Variants in CYP27A1 observed in about 807,000 individuals in gnomAD.
The protein encoded by CYP27A1 is cytochrome P450 family 27 subfamily A member 1, also known as sterol 26-hydroxylase, mitochondrial.
In CYP27A1, 46 loss-of-function variants were observed where a neutral mutation model predicts 58.2. The observed-to-expected ratio is 0.79, with a 90% CI of 0.62 to 1.01. CYP27A1 has a LOEUF of 1.01. Ranked by LOEUF, CYP27A1 falls within the 50% of genes least tolerant of loss-of-function variation. The pLI is 0.00. For synonymous variants in CYP27A1, 274 were observed against 285.1 expected (o/e 0.96, Z 0.39); for missense variants, 704 against 687.0 (o/e 1.02, Z -0.28).
At chr2:218,787,096 G>A (rs6716642) in intron 1 of CYP27A1, among the ~76,000 whole-genome samples, 9,365 of 152,214 alleles carry the variant, frequency 0.062, 340 homozygotes, top group Middle Eastern at 0.095. Flanking sequence ...TGGCCATCAT[G>A]TATCTTGTTT....
chr2:218,809,072 C>T (rs751468325), intron 1 of CYP27A1, among the ~76,000 whole-genome samples: 1 of 152,184 alleles, frequency 6.6e-6, no homozygotes, highest in East Asian at 1.9e-4. Context: ...CTTTCTCATC[C>T]AGCTTATTGT....
chr2:218,808,016 G>T (rs994096586), intron 1 of CYP27A1, among the ~76,000 whole-genome samples: 4 of 152,122 alleles, frequency 2.6e-5, no homozygotes, highest in South Asian at 2.1e-4. Context: ...TTAGGCAAAA[G>T]ATATACTTTT....
intron 1 of CYP27A1, among the ~76,000 whole-genome samples, chr2:218,796,345 C>A (rs1056072149): frequency 1.3e-5 from 2 of 152,206 alleles, no homozygotes; most frequent in African/African-American, 4.8e-5. Flanking sequence ...GTAATCCCAG[C>A]ACTTTGGGGG....
rs973717418 is a variant in CYP27A1 at position 218,782,992 on chromosome 2, C to T, written c.255+555C>T. The stretch of plus-strand genomic sequence containing the variant: ...CAGTCTGAGGCCGGGTGCAGTGGCT[C>T]ACACCTGTAATCTCAGCACCTTGGG... On this transcript the variant is annotated intron_variant, in intron 1 of 8. Transcript: ENST00000258415. This position sits in a 1 kb window ranked among gnomAD's most constrained non-coding sequence, Gnocchi z 4.1. 1.3e-5 allele frequency among the ~76,000 whole-genome samples: 2 copies of T among 152,108 alleles called. No individual in the cohort carries two copies. The highest frequency in any genetic ancestry group is 2.9e-5 in the Non-Finnish European group (2 of 68,006).
chr2:218,784,052 G>T (rs2106479730), intron 1 of CYP27A1, among the ~76,000 whole-genome samples: 1 of 152,238 alleles, frequency 6.6e-6, no homozygotes, highest in South Asian at 2.1e-4. Context: ...CAGGATCCAG[G>T]ATGGAGAGGC....
At chr2:218,813,460 C>G (rs967601904) in intron 5 of CYP27A1, among the ~76,000 whole-genome samples, 3 of 152,250 alleles carry the variant, frequency 2.0e-5, no homozygotes, top group African/African-American at 7.2e-5. Flanking sequence ...GAGTCTCACT[C>G]TGTTGCCCAG....
At chr2:218,793,840 A>G (rs945186477) in intron 1 of CYP27A1, among the ~76,000 whole-genome samples, 3 of 151,854 alleles carry the variant, frequency 2.0e-5, no homozygotes, top group Non-Finnish European at 4.4e-5. Context: ...CAGACTCCCA[A>G]GTAGCTGGGA....
intron 1 of CYP27A1, among the ~76,000 whole-genome samples, chr2:218,805,761 T>G (rs1331019682): frequency 6.6e-6 from 1 of 152,162 alleles, no homozygotes; most frequent in Non-Finnish European, 1.5e-5. Flanking sequence ...CATCCGAGAA[T>G]GCTGGGACTT....
At chr2:218,797,916 T>G (rs1400390919) in intron 1 of CYP27A1, among the ~76,000 whole-genome samples, 1 of 152,240 alleles carries the variant, frequency 6.6e-6, no homozygotes, top group Non-Finnish European at 1.5e-5. Flanking sequence ...TTATAATCCT[T>G]TCACTACTTG....
chr2:218,808,731 A>G (rs761443971), intron 1 of CYP27A1, among the ~76,000 whole-genome samples: 1 of 152,136 alleles, frequency 6.6e-6, no homozygotes, highest in African/African-American at 2.4e-5. Flanking sequence ...TACCTAGGAA[A>G]TATAGTCTTA....
Position 218,814,528 on chromosome 2 carries a change from C to T in CYP27A1, c.1264-17C>T. On this transcript the variant is annotated splice_polypyrimidine_tract_variant and intron_variant, in intron 7 of 8. Transcript: ENST00000258415. ...CCCCGAAGAGAGGCATTCATGCTGC[C>T]CAATCTTCCTTTATAGACCCAGTTT... is the stretch of plus-strand genomic sequence containing the variant. The T allele has an allele frequency of 6.2e-7, 1 of 1,613,936 alleles. No homozygotes were observed. Among genetic ancestry groups the T allele is most frequent in the Non-Finnish European group, 8.5e-7 (1 of 1,179,788 alleles).
At chr2:218,788,944 G>A (rs143961383) in intron 1 of CYP27A1, among the ~76,000 whole-genome samples, 61 of 152,328 alleles carry the variant, frequency 4.0e-4, no homozygotes, top group African/African-American at 1.3e-3. Context: ...CATCTATAAA[G>A]TTGTCCTTGA....
Position 218,815,246 on chromosome 2 carries a change from T to C in CYP27A1, c.*216T>C. The C allele has an allele frequency of 1.7e-6, 1 of 580,446 alleles. No homozygotes were observed. The highest frequency in any genetic ancestry group is 3.1e-6 in the Non-Finnish European group (1 of 325,286). The allele number at this position is 580,446 out of a possible 1,614,324, so 36.0% of individuals were successfully genotyped here. ...AAAGGCCACCCCTTTATCGCATTGC[T>C]GTCCTTGGGTAGAATATAAAATAAA... is the stretch of plus-strand genomic sequence containing the variant. On this transcript the variant is annotated 3_prime_UTR_variant, in exon 9 of 9. Transcript: ENST00000258415.
intron 1 of CYP27A1, among the ~76,000 whole-genome samples, chr2:218,800,903 A>C (rs1052316731): frequency 6.6e-6 from 1 of 152,232 alleles, no homozygotes; most frequent in Admixed American, 6.5e-5. Context: ...TATCTTTTTC[A>C]ATAAACACAC....
At chr2:218,791,687 G>T (rs545989151) in intron 1 of CYP27A1, among the ~76,000 whole-genome samples, 13 of 152,254 alleles carry the variant, frequency 8.5e-5, no homozygotes, top group Non-Finnish European at 1.9e-4. Context: ...AAGGTTCAAG[G>T]TCTCAAAGTC....
In CYP27A1 at chr2:218,815,214, T is replaced by A. The variant is rs1943778511; in HGVS notation, c.*184T>A. 1.5e-6 allele frequency: 1 copy of A among 662,140 alleles called. No homozygotes were observed. The highest frequency in any genetic ancestry group is 2.6e-6 in the Non-Finnish European group (1 of 379,602). The allele number at this position is 662,140 out of a possible 1,614,324, so 41.0% of individuals were successfully genotyped here. A position where few individuals can be genotyped will look rare whatever the true frequency, so the allele number is the denominator to read the frequency against. On this transcript the variant is annotated 3_prime_UTR_variant, in exon 9 of 9. Transcript: ENST00000258415. ...TCTATCATTTTTGAGCAACTCCCTC[T>A]CAGCTAAAAGGCCACCCCTTTATCG... is the stretch of plus-strand genomic sequence containing the variant.
intron 1 of CYP27A1, among the ~76,000 whole-genome samples, chr2:218,795,341 T>C (rs4674342): frequency 0.51 from 77,784 of 152,028 alleles, 20,574 homozygotes; most frequent in African/African-American, 0.6. Flanking sequence ...TGCATGGACT[T>C]CTTATCATAA....
intron 1 of CYP27A1, among the ~76,000 whole-genome samples, chr2:218,791,493 G>A (rs1943492445): frequency 6.6e-6 from 1 of 152,142 alleles, no homozygotes; most frequent in Non-Finnish European, 1.5e-5. Context: ...AGAAAAAATT[G>A]AAAGATAAGA....
chr2:218,782,733 G>C lies in CYP27A1; in HGVS notation c.255+296G>C, dbSNP rs1007858592. 6.6e-6 allele frequency among the ~76,000 whole-genome samples: 1 copy of C among 152,190 alleles called. No individual in the cohort carries two copies. The highest frequency in any genetic ancestry group is 1.5e-5 in the Non-Finnish European group (1 of 68,044). Reference sequence around the variant, plus strand: ...GTTGAGGAGGGAGCTGTCTTGGGAAGAGAGTGGCAGAGGCAAATGTGTAAG... The same window carrying C: ...GTTGAGGAGGGAGCTGTCTTGGGAACAGAGTGGCAGAGGCAAATGTGTAAG... On this transcript the variant is annotated intron_variant, in intron 1 of 8. Coordinates refer to ENST00000258415, the MANE Select transcript of CYP27A1 (RefSeq NM_000784.4). This position sits in a 1 kb window ranked among gnomAD's most constrained non-coding sequence, Gnocchi z 4.1.
Sources: allele counts gnomAD v4.1 joint callset (sites outside exome capture counted in the v4.1 genomes callset), GRCh38; gene constraint gnomAD v4.1.1; non-coding constraint Gnocchi (gnomAD v3.1); transcripts MANE v1.5; gene names NCBI Gene and HGNC (gene_info 2026-07-23, HGNC 2026-07-21).